The following BICC1 variants were observed in gnomAD, a reference collection of about 807,000 sequenced individuals.
BICC1 encodes protein bicaudal C homolog 1.
Under a neutral mutation model 111.0 loss-of-function variants are expected in BICC1, and 43 were observed. The ratio of observed to expected loss-of-function variants is 0.39; its 90% CI spans 0.30 to 0.50. The LOEUF is 0.50. Ranked by LOEUF, BICC1 falls within the 20% of genes least tolerant of loss-of-function variation. The pLI, the probability that BICC1 is intolerant of heterozygous loss-of-function variation, is 0.88. For synonymous variants in BICC1, 467 were observed against 434.4 expected (o/e 1.07, Z -0.93); for missense variants, 1,091 against 1,203.2 (o/e 0.91, Z 1.38).
Position 58,692,733 on chromosome 10 carries a change from TTCCAGTGTTTCA to T in BICC1, c.238-9337_238-9326del, listed in dbSNP as rs965038372. On this transcript the variant is annotated intron_variant, in intron 2 of 20. Coordinates refer to ENST00000373886, the MANE Select transcript of BICC1 (RefSeq NM_001080512.3). ...GTCATACTCAGGAGTCTGGATCAGCTTCCAGTGTTTCATCCTGTGTGCTTTCAAAGTTGTGAA... is the reference window on the plus strand; with the variant it reads ...GTCATACTCAGGAGTCTGGATCAGCTTCCTGTGTGCTTTCAAAGTTGTGAA... 1.7e-4 allele frequency among the ~76,000 whole-genome samples: 26 copies of T among 152,290 alleles called. No homozygotes were observed. In the East Asian group the frequency reaches 4.2e-3, roughly 25 times the overall value.
intron 20 of BICC1, among the ~76,000 whole-genome samples, chr10:58,822,479 A>AC (rs1844280158): frequency 6.6e-6 from 1 of 152,118 alleles, no homozygotes; most frequent in Admixed American, 6.6e-5. Flanking sequence ...TATTTTTTCT[A>AC]ATCATCTTCT....
chr10:58,737,458 A>G (rs1001599723), intron 3 of BICC1, among the ~76,000 whole-genome samples: 1 of 152,192 alleles, frequency 6.6e-6, no homozygotes, highest in Non-Finnish European at 1.5e-5. Context: ...ATAGTATTCC[A>G]TGGTGTATAT....
chr10:58,768,059 A>G (rs1842506640), intron 3 of BICC1, among the ~76,000 whole-genome samples: 1 of 152,194 alleles, frequency 6.6e-6, no homozygotes. Flanking sequence ...AACTTCCCAT[A>G]TCATGGGAAA....
At chr10:58,763,950 A>G (rs1842388828) in intron 3 of BICC1, among the ~76,000 whole-genome samples, 1 of 152,094 alleles carries the variant, frequency 6.6e-6, no homozygotes, top group Non-Finnish European at 1.5e-5. Context: ...AGAGGCAGAG[A>G]AGACAGGAAA....
intron 2 of BICC1, among the ~76,000 whole-genome samples, chr10:58,641,346 G>A (rs1009633405): frequency 5.9e-5 from 9 of 152,162 alleles, no homozygotes; most frequent in South Asian, 2.1e-4. Context: ...TGGTTTTGCC[G>A]TCGTGCCCTT....
rs1041235471 is a variant in BICC1 at position 58,817,677 on chromosome 10, C to T, written c.2649C>T (p.Ser883=). The T allele has an allele frequency of 6.2e-7, 1 of 1,613,334 alleles. No individual in the cohort carries two copies. The highest frequency in any genetic ancestry group is 1.3e-5 in the African/African-American group (1 of 74,994). Residue 883 remains serine (S), a synonymous_variant, in exon 19 of 21, where the codon AGC becomes AGT. Transcript: ENST00000373886. ...GTTCTGACCTCCCTGAGCTCTTCAG[C>T]AAACTGGGCCTGGGCAAATACACAG... is the stretch of plus-strand genomic sequence containing the variant. ...FKGSDLPELF[S]KLGLGKYTDV... is the part of the protein sequence containing the mutation.
intron 3 of BICC1, among the ~76,000 whole-genome samples, chr10:58,775,208 A>G (rs1589126903): frequency 6.6e-6 from 1 of 152,160 alleles, no homozygotes; most frequent in East Asian, 1.9e-4. Context: ...CTGCATCTCT[A>G]CTAAAAAATA....
At chr10:58,529,407 C>G (rs1842624462) in intron 1 of BICC1, among the ~76,000 whole-genome samples, 1 of 151,886 alleles carries the variant, frequency 6.6e-6, no homozygotes, top group Admixed American at 6.6e-5. Context: ...TGAGAACTAA[C>G]ACAGTATTTC....
intron 2 of BICC1, among the ~76,000 whole-genome samples, chr10:58,676,333 A>G (rs552664272): frequency 2.6e-5 from 4 of 152,330 alleles, no homozygotes; most frequent in African/African-American, 7.2e-5. Context: ...CTTGCTCAGC[A>G]GATCCCACCC....
chr10:58,765,666 C>T (rs1252584379), intron 3 of BICC1, among the ~76,000 whole-genome samples: 1 of 152,144 alleles, frequency 6.6e-6, no homozygotes, highest in Non-Finnish European at 1.5e-5. Context: ...CAGGCCAAAT[C>T]ATAAATGAAG....
chr10:58,708,446 G>A (rs576764759), intron 3 of BICC1, among the ~76,000 whole-genome samples: 7 of 152,270 alleles, frequency 4.6e-5, no homozygotes, highest in South Asian at 2.1e-4. Flanking sequence ...TCAAGGACAC[G>A]GACACACATG....
At chr10:58,571,033 C>T (rs1331557156) in intron 1 of BICC1, among the ~76,000 whole-genome samples, 1 of 152,082 alleles carries the variant, frequency 6.6e-6, no homozygotes, top group Non-Finnish European at 1.5e-5. Context: ...ATTTCTTTAC[C>T]ATTGCTGTGT....
intron 20 of BICC1, among the ~76,000 whole-genome samples, chr10:58,823,047 G>T (rs1844297847): frequency 6.7e-6 from 1 of 149,404 alleles, no homozygotes; most frequent in Middle Eastern, 3.5e-3. Context: ...GTATAAATTT[G>T]ATCTCTTTTT....
At chr10:58,536,300 T>C (rs75492054) in intron 1 of BICC1, among the ~76,000 whole-genome samples, 4,248 of 151,858 alleles carry the variant, frequency 0.028, 189 homozygotes, top group African/African-American at 0.097. Flanking sequence ...ACATGGAACA[T>C]TCTCCAAAAT....
intron 1 of BICC1, among the ~76,000 whole-genome samples, chr10:58,569,388 G>A (rs568388209): frequency 4.0e-4 from 61 of 152,178 alleles, no homozygotes; most frequent in Middle Eastern, 3.4e-3. Context: ...CAATTAAAAT[G>A]GAATGTCTTT....
chr10:58,722,381 T>G (rs1180573409), intron 3 of BICC1, among the ~76,000 whole-genome samples: 4 of 152,236 alleles, frequency 2.6e-5, no homozygotes, highest in African/African-American at 9.6e-5. Context: ...TGTTGTCTAT[T>G]ATTTAGAGAT....
intron 3 of BICC1, among the ~76,000 whole-genome samples, chr10:58,717,839 A>G (rs777345122): frequency 1.3e-5 from 2 of 152,158 alleles, no homozygotes; most frequent in African/African-American, 4.8e-5. Context: ...TTGAACTCCT[A>G]CTAGGCAGGG....
chr10:58,717,566 A>G (rs528376568), intron 3 of BICC1, among the ~76,000 whole-genome samples: 1 of 152,362 alleles, frequency 6.6e-6, no homozygotes, highest in South Asian at 2.1e-4. Context: ...CTATATAAGC[A>G]CGTAAACAGT....
chr10:58,549,483 C>T (rs971406508), intron 1 of BICC1, among the ~76,000 whole-genome samples: 2 of 152,050 alleles, frequency 1.3e-5, no homozygotes, highest in Non-Finnish European at 2.9e-5. Context: ...TTAAAATTTT[C>T]GCCATTTTAA....
Sources: gnomAD v4.1 joint callset for allele counts (sites outside exome capture counted in the v4.1 genomes callset) on GRCh38, gnomAD v4.1.1 for gene constraint, MANE v1.5 for transcripts, NCBI Gene and HGNC (gene_info 2026-07-23, HGNC 2026-07-21) for gene names.